IL4I1: variants seen among roughly 807,000 people sequenced by gnomAD.
IL4I1 encodes the protein L-amino-acid oxidase.
A neutral mutation model predicts 29.7 loss-of-function variants in IL4I1; 24 were observed. The observed-to-expected ratio is 0.81, with a 90% CI of 0.59 to 1.14. The LOEUF (loss-of-function observed/expected upper bound fraction) is 1.14. Ranked by LOEUF, IL4I1 falls within the 50% of genes most tolerant of loss-of-function variation. IL4I1 has a pLI of 0.00. For synonymous variants in IL4I1, 371 were observed against 352.5 expected (o/e 1.05, Z -0.59); for missense variants, 686 against 785.6 (o/e 0.87, Z 1.52).
intron 2 of IL4I1, among the ~76,000 whole-genome samples, chr19:49,923,167 G>A (rs1024449313): frequency 6.6e-6 from 1 of 152,122 alleles, no homozygotes; most frequent in African/African-American, 2.4e-5. Flanking sequence ...TGTGGGCCAC[G>A]TGGCAGCCTG....
intron 3 of IL4I1, 113 bp downstream of exon 3, chr19:49,895,702 C>T (rs1235398813): frequency 5.3e-6 from 4 of 748,610 alleles, no homozygotes; most frequent in South Asian, 3.1e-5. Flanking sequence ...AGCCTCTCCC[C>T]CCACATCCCC....
At chr19:49,927,025 A>T (rs1027347104) in intron 2 of IL4I1, among the ~76,000 whole-genome samples, 2 of 151,786 alleles carry the variant, frequency 1.3e-5, no homozygotes, top group Non-Finnish European at 2.9e-5. Flanking sequence ...ACACCCGACT[A>T]TTTTTTTGTA....
intron 7 of IL4I1, 40 bp downstream of exon 7, chr19:49,890,931 C>CGG: frequency 2.5e-6 from 1 of 402,758 alleles, no homozygotes; most frequent in Non-Finnish European, 4.2e-6. Context: ...CCCTGATTGC[C>CGG]CCCCGCCCCC....
chr19:49,928,049 G>C (rs2075949305), intron 1 of IL4I1: 1 of 152,428 alleles, frequency 6.6e-6, no homozygotes, highest in African/African-American at 2.4e-5. Flanking sequence ...TCCCTGCCAG[G>C]GGATGGGGCC....
intron 5 of IL4I1, among the ~76,000 whole-genome samples, chr19:49,892,792 T>C (rs1309052676): frequency 6.6e-6 from 1 of 152,094 alleles, no homozygotes; most frequent in Admixed American, 6.6e-5. Context: ...TGTCAAGGCA[T>C]AGAAATGACC....
At chr19:49,894,177 G>A in intron 5 of IL4I1, 91 bp downstream of exon 5, 1 of 1,272,530 alleles carries the variant, frequency 7.9e-7, no homozygotes, top group Non-Finnish European at 1.1e-6. Flanking sequence ...GGGGACTGAA[G>A]GGATGCCAGA....
At chr19:49,899,668 T>G (rs920919849), upstream of IL4I1, among the ~76,000 whole-genome samples, 2 of 151,928 alleles carry the variant, frequency 1.3e-5, no homozygotes, top group Admixed American at 6.6e-5. Flanking sequence ...GCCATTCTCC[T>G]GCCTCAGCCT....
In IL4I1 at chr19:49,921,929, G is replaced by T. The variant is rs1268131454; in HGVS notation, c.-228+5765C>A. Among the ~76,000 whole-genome samples the T allele has an allele frequency of 6.6e-6, 1 of 152,214 alleles. No homozygotes were observed. The highest frequency in any genetic ancestry group is 2.4e-5 in the African/African-American group (1 of 41,466). On this transcript the variant is annotated intron_variant, in intron 2 of 9. Transcript: ENST00000341114. This position sits in a 1 kb window ranked among gnomAD's most constrained non-coding sequence, Gnocchi z 5.4. The stretch of plus-strand genomic sequence containing the variant: ...TCTCACCTCCCTTCCATCTTGGCAG[G>T]ATGAGTGCATTTGCTGCGAGAAAGC...
chr19:49,908,851 A>G (rs1317717986), intron 2 of IL4I1: 2 of 1,612,122 alleles, frequency 1.2e-6, no homozygotes, highest in Non-Finnish European at 1.7e-6. Flanking sequence ...CCGCCCCTGC[A>G]GCTGCGCCAG....
At chr19:49,920,461 G>A (rs1457609634) in intron 2 of IL4I1, among the ~76,000 whole-genome samples, 1 of 152,198 alleles carries the variant, frequency 6.6e-6, no homozygotes, top group African/African-American at 2.4e-5. Flanking sequence ...ACGTACTAAA[G>A]CCACTAAGTT....
chr19:49,925,725 G>T (rs934517953), intron 2 of IL4I1, among the ~76,000 whole-genome samples: 1 of 152,232 alleles, frequency 6.6e-6, no homozygotes, highest in South Asian at 2.1e-4. Flanking sequence ...CATCAAGTGT[G>T]GTCAGAATCA....
chr19:49,892,688 T>A (rs1008756400), intron 5 of IL4I1, among the ~76,000 whole-genome samples: 16 of 152,200 alleles, frequency 1.1e-4, no homozygotes, highest in African/African-American at 3.6e-4. Flanking sequence ...TTGGTCCACC[T>A]GGCTTCCCCC....
chr19:49,913,640 T>C (rs1292668988), intron 2 of IL4I1, among the ~76,000 whole-genome samples: 3 of 152,234 alleles, frequency 2.0e-5, no homozygotes, highest in Non-Finnish European at 2.9e-5. Context: ...GTGCCTGGTC[T>C]CCCTTGGGGC....
At chr19:49,920,344 G>A (rs1183229799) in intron 2 of IL4I1, among the ~76,000 whole-genome samples, 1 of 152,152 alleles carries the variant, frequency 6.6e-6, no homozygotes, top group African/African-American at 2.4e-5. Context: ...GTCTCCCAAG[G>A]TGCTGGGATT....
At chr19:49,911,412 C>T (rs1600508961) in intron 2 of IL4I1, 2 of 152,220 alleles carry the variant, frequency 1.3e-5, no homozygotes, top group East Asian at 3.8e-4. Flanking sequence ...GACTGAGAAG[C>T]CAAGTGCCTG....
At chr19:49,909,643 A>G (rs748963129) in intron 2 of IL4I1, 3 of 1,614,042 alleles carry the variant, frequency 1.9e-6, no homozygotes, top group Non-Finnish European at 2.5e-6. Context: ...GGCCGGTGGA[A>G]GGGGTACTTG....
chr19:49,894,657 A>G (rs533309342), intron 4 of IL4I1, among the ~76,000 whole-genome samples, 188 bp from the exon 5 acceptor site: 1 of 151,910 alleles, frequency 6.6e-6, no homozygotes, highest in East Asian at 1.9e-4. Flanking sequence ...TGGAGGCCTC[A>G]GGGCAGTACC....
At chr19:49,908,982 T>C (rs774361345) in intron 2 of IL4I1, 12 of 1,608,324 alleles carry the variant, frequency 7.5e-6, no homozygotes, top group Admixed American at 3.3e-5. Flanking sequence ...GCGGTGGCGG[T>C]GGCAGCGGTG....
At chr19:49,906,041 C>T (rs2075318308) in intron 2 of IL4I1, among the ~76,000 whole-genome samples, 1 of 152,112 alleles carries the variant, frequency 6.6e-6, no homozygotes. Flanking sequence ...CTCCCCACAG[C>T]CCAGGAGATC....
Sources: allele counts gnomAD v4.1 joint callset (sites outside exome capture counted in the v4.1 genomes callset), GRCh38; gene constraint gnomAD v4.1.1; non-coding constraint Gnocchi (gnomAD v3.1); transcripts MANE v1.5; gene names NCBI Gene and HGNC (gene_info 2026-07-23, HGNC 2026-07-21).